Variants in AP2S1 observed in about 807,000 individuals in gnomAD.
The protein encoded by AP2S1 is adaptor related protein complex 2 subunit sigma 1.
In AP2S1, 6 loss-of-function variants were observed where a neutral mutation model predicts 21.0. The observed-to-expected ratio is 0.29, with a 90% CI of 0.16 to 0.56. The LOEUF (loss-of-function observed/expected upper bound fraction) is 0.56, where lower values mean the gene tolerates loss of function less well. Ranked by LOEUF, AP2S1 falls within the 20% of genes least tolerant of loss-of-function variation. The pLI, the probability that AP2S1 is intolerant of heterozygous loss-of-function variation, is 0.92. For missense variants in AP2S1, 60 were observed against 186.2 expected (o/e 0.32, Z 3.95); for synonymous variants, 63 against 74.6 (o/e 0.84, Z 0.80).
At chr19:46,845,447 T>G (rs2055615073) in intron 2 of AP2S1, among the ~76,000 whole-genome samples, 1 of 148,166 alleles carries the variant, frequency 6.7e-6, no homozygotes, top group Non-Finnish European at 1.5e-5. Flanking sequence ...TTAATTCAAT[T>G]CAATCAAATA....
In AP2S1 at chr19:46,840,105, AG is replaced by A. The variant is rs2055491175; in HGVS notation, c.154-528del. On this transcript the variant is annotated intron_variant, in intron 2 of 4. Transcript: ENST00000263270. ...CAGGCCTGTGATAGGCAGTGTGGGG[AG>A]GAGGGTTACCACTGCCACCAAGACG... Among the ~76,000 whole-genome samples, 5 of 152,136 alleles carry A rather than the reference AG, an allele frequency of 3.3e-5. No individual in the cohort carries two copies. In the South Asian group the frequency reaches 1.0e-3, roughly 32 times the overall value.
intron 1 of AP2S1, among the ~76,000 whole-genome samples, chr19:46,846,951 C>T (rs573344095): frequency 6.6e-6 from 1 of 152,274 alleles, no homozygotes; most frequent in South Asian, 2.1e-4. Context: ...AGGCATGGGC[C>T]ACCACGCCCA....
At chr19:46,849,249 G>A (rs1209687988) in intron 1 of AP2S1, among the ~76,000 whole-genome samples, 2 of 151,618 alleles carry the variant, frequency 1.3e-5, no homozygotes, top group Non-Finnish European at 2.9e-5. Flanking sequence ...TATGTGATCC[G>A]CCTGCCTCAG....
chr19:46,840,795 G>A (rs966430160), intron 2 of AP2S1, among the ~76,000 whole-genome samples: 2 of 140,730 alleles, frequency 1.4e-5, no homozygotes, highest in South Asian at 2.2e-4. Context: ...TCGGCTCACT[G>A]CAATCTCTGC....
rs2055727256 is a variant in AP2S1, at chr19:46,850,823, G to C, written c.-57C>G. On this transcript the variant is annotated 5_prime_UTR_variant, in exon 1 of 5. Coordinates refer to ENST00000263270, the MANE Select transcript of AP2S1 (RefSeq NM_004069.6). ...GTCCCGCGGCGACTGGGCAGCTCCG[G>C]CTCAGGGTGCAGTTGTAGGGCCCAG... The C allele has an allele frequency of 5.9e-6, 9 of 1,517,968 alleles. No individual in the cohort carries two copies. The South Asian group carries it at 1.1e-4, about 19-fold the overall frequency. 94.0% of individuals were successfully genotyped at this position (1,517,968 alleles called of 1,614,324 possible). A position where few individuals can be genotyped will look rare whatever the true frequency, so the allele number is the denominator to read the frequency against.
intron 2 of AP2S1, among the ~76,000 whole-genome samples, chr19:46,843,236 G>A (rs1447307854): frequency 1.3e-5 from 2 of 152,124 alleles, no homozygotes; most frequent in East Asian, 1.9e-4. Flanking sequence ...TGGCCACACC[G>A]ACGGCTTCCA....
chr19:46,850,156 C>T, intron 1 of AP2S1: 1 of 1,232,318 alleles, frequency 8.1e-7, no homozygotes, highest in Non-Finnish European at 1.0e-6. Flanking sequence ...TCTCCTTTTA[C>T]AGCGCTTTCC....
At chr19:46,843,631 G>A (rs2055567307) in intron 2 of AP2S1, among the ~76,000 whole-genome samples, 1 of 152,140 alleles carries the variant, frequency 6.6e-6, no homozygotes, top group Admixed American at 6.5e-5. Flanking sequence ...GCTGAGGTGG[G>A]AGAATTGCTT....
In AP2S1 at chr19:46,839,625, C is replaced by T. The variant is rs746610045; in HGVS notation, c.154-47G>A. 6 of 1,613,360 alleles carry T rather than the reference C, an allele frequency of 3.7e-6. No individual in the cohort carries two copies. In the Admixed American group the frequency reaches 5.0e-5, roughly 13 times the overall value. On this transcript the variant is annotated intron_variant, in intron 2 of 4. Coordinates refer to ENST00000263270, the MANE Select transcript of AP2S1 (RefSeq NM_004069.6). Reference sequence around the variant, plus strand: ...AGCAACGGAGATTGCCAGGACCTAACGTGCCAGACAGAGTGGGGCCAAAAC... The same window carrying T: ...AGCAACGGAGATTGCCAGGACCTAATGTGCCAGACAGAGTGGGGCCAAAAC...
chr19:46,842,688 C>T (rs1304515883), intron 2 of AP2S1, among the ~76,000 whole-genome samples: 3 of 152,112 alleles, frequency 2.0e-5, no homozygotes, highest in Non-Finnish European at 4.4e-5. Flanking sequence ...AGCAAGGTGC[C>T]CACACAGCCA....
intron 1 of AP2S1, among the ~76,000 whole-genome samples, chr19:46,848,808 G>T (rs1377233553): frequency 1.3e-5 from 2 of 152,198 alleles, no homozygotes; most frequent in South Asian, 2.1e-4. Context: ...CTACCTCCAG[G>T]TTCAAGCGAT....
Position 46,839,286 on chromosome 19 carries a change from CAAAAAAAAAAAAAAAAAAA to C in AP2S1, c.267+160_267+178del, listed in dbSNP as rs771792607. On this transcript the variant is annotated intron_variant, in intron 3 of 4. Coordinates refer to ENST00000263270, the MANE Select transcript of AP2S1 (RefSeq NM_004069.6). The stretch of plus-strand genomic sequence containing the variant: ...TGGGCGACAGAACAAGACTCCGTCT[CAAAAAAAAAAAAAAAAAAA>C]AAAAAAAAAAAAGAAAAAGAAAAAA... Among the ~76,000 whole-genome samples the C allele has an allele frequency of 2.5e-4, 18 of 72,958 alleles. No individual in the cohort carries two copies. In the East Asian group the frequency reaches 6.7e-3, roughly 27 times the overall value. The allele number at this position is 72,958 out of a possible 152,430, so 47.9% of individuals were successfully genotyped here.
chr19:46,850,453 G>T, intron 1 of AP2S1: 1 of 760,446 alleles, frequency 1.3e-6, no homozygotes, highest in Non-Finnish European at 1.9e-6. Context: ...CTACCCACAA[G>T]ACTGTGTCTC....
intron 2 of AP2S1, among the ~76,000 whole-genome samples, chr19:46,843,142 CTAAT>C (rs1204296142): frequency 2.0e-5 from 3 of 152,174 alleles, no homozygotes; most frequent in African/African-American, 7.2e-5. Flanking sequence ...AGTGGGAAAT[CTAAT>C]TGTCGCCCTG....
chr19:46,844,645 A>G (rs1039718109), intron 2 of AP2S1, among the ~76,000 whole-genome samples: 7 of 151,912 alleles, frequency 4.6e-5, no homozygotes, highest in African/African-American at 1.7e-4. Flanking sequence ...CAAAAATACA[A>G]ATATTAGCTG....
chr19:46,840,793 C>T (rs1349985144), intron 2 of AP2S1, among the ~76,000 whole-genome samples: 1 of 147,830 alleles, frequency 6.8e-6, no homozygotes, highest in Non-Finnish European at 1.5e-5. Context: ...TCTCGGCTCA[C>T]TGCAATCTCT....
At chr19:46,848,719 TTTC>T (rs1400842828) in intron 1 of AP2S1, among the ~76,000 whole-genome samples, 2 of 152,116 alleles carry the variant, frequency 1.3e-5, no homozygotes, top group Non-Finnish European at 2.9e-5. Flanking sequence ...GTCTTTTTCT[TTTC>T]TTTTTTGTTT....
intron 1 of AP2S1, among the ~76,000 whole-genome samples, chr19:46,849,880 G>A (rs912983880): frequency 2.0e-5 from 3 of 151,932 alleles, no homozygotes; most frequent in African/African-American, 7.3e-5. Flanking sequence ...GTTCCTGGAG[G>A]AGACTCCGCC....
chr19:46,848,511 C>G (rs1183434960), intron 1 of AP2S1, among the ~76,000 whole-genome samples: 1 of 152,184 alleles, frequency 6.6e-6, no homozygotes, highest in Non-Finnish European at 1.5e-5. Context: ...CCAAAGCTTA[C>G]TCCATTAGAA....
Sources: gnomAD v4.1 joint callset for allele counts (sites outside exome capture counted in the v4.1 genomes callset) on GRCh38, gnomAD v4.1.1 for gene constraint, MANE v1.5 for transcripts, NCBI Gene and HGNC (gene_info 2026-07-23, HGNC 2026-07-21) for gene names.